SPHKAP: variants seen among roughly 807,000 people sequenced by gnomAD.
SPHKAP encodes the protein SPHK1 interactor, AKAP domain containing, also known as A-kinase anchor protein SPHKAP.
In SPHKAP, 67 loss-of-function variants were observed where a neutral mutation model predicts 137.5. The ratio of observed to expected loss-of-function variants is 0.49; its 90% CI spans 0.40 to 0.60. The LOEUF is 0.60. SPHKAP is among the 20% of genes least tolerant of loss of function. SPHKAP has a pLI of 0.00. For synonymous variants in SPHKAP, 813 were observed against 785.3 expected, an observed-to-expected ratio of 1.04 and a Z score of -0.59; for missense variants, 2,097 against 2,069.3, an observed-to-expected ratio of 1.01 and a Z score of -0.26.
chr2:228,027,986 A>T (rs1222704885), intron 3 of SPHKAP: 2 of 982,614 alleles, frequency 2.0e-6, no homozygotes, highest in East Asian at 1.1e-4. Flanking sequence ...AGAAAAAAGA[A>T]AAAAAGAAAT....
intron 1 of SPHKAP, among the ~76,000 whole-genome samples, chr2:228,153,190 G>A (rs953418593): frequency 6.6e-6 from 1 of 152,082 alleles, no homozygotes; most frequent in Non-Finnish European, 1.5e-5. Flanking sequence ...TCAGCAGTGT[G>A]AAAACGGACT....
Position 228,171,121 on chromosome 2 carries a change from G to A in SPHKAP, c.32+10446C>T, listed in dbSNP as rs550302953. 6.6e-5 allele frequency among the ~76,000 whole-genome samples: 10 copies of A among 152,230 alleles called. 1 individual carries two copies. Among genetic ancestry groups the A allele is most frequent in the South Asian group, 2.1e-4 (1 of 4,816 alleles). On this transcript the variant is annotated intron_variant, in intron 1 of 11. Transcript: ENST00000392056. ...GGAAAAGTAAAGAAGGTATTTAGAC[G>A]TGGATGATAGACATGTTTTTCTGTA...
chr2:228,129,900 A>T (rs1699197642), intron 2 of SPHKAP, among the ~76,000 whole-genome samples: 1 of 150,946 alleles, frequency 6.6e-6, no homozygotes, highest in East Asian at 2.0e-4. Flanking sequence ...AGGTTCAAGC[A>T]ATTCTCTTGT....
intron 1 of SPHKAP, among the ~76,000 whole-genome samples, chr2:228,174,996 A>G (rs1469743049): frequency 6.6e-6 from 1 of 151,392 alleles, no homozygotes; most frequent in Non-Finnish European, 1.5e-5. Context: ...AGATAGGTCA[A>G]TACAAATTAT....
intron 3 of SPHKAP, among the ~76,000 whole-genome samples, chr2:228,100,041 G>A (rs372983531): frequency 2.6e-5 from 4 of 151,940 alleles, no homozygotes; most frequent in African/African-American, 9.7e-5. Context: ...TAGTAGAGAC[G>A]GGGTTTCACC....
chr2:228,074,020 G>A (rs1383997865), intron 3 of SPHKAP, among the ~76,000 whole-genome samples: 3 of 152,178 alleles, frequency 2.0e-5, no homozygotes, highest in African/African-American at 7.2e-5. Context: ...ATTGAAGCAG[G>A]TTCAACATTC....
At chr2:228,171,552 A>C (rs1215819842) in intron 1 of SPHKAP, among the ~76,000 whole-genome samples, 2 of 152,202 alleles carry the variant, frequency 1.3e-5, no homozygotes, top group Non-Finnish European at 2.9e-5. Context: ...AATTCTCCTA[A>C]GAATTAAATA....
At position 228,019,152 on chromosome 2, in the gene SPHKAP, C is replaced by A; in HGVS notation, c.1702G>T (p.Val568Leu). The A allele has an allele frequency of 6.2e-7, 1 of 1,613,776 alleles. No individual in the cohort carries two copies. Among genetic ancestry groups the A allele is most frequent in the Non-Finnish European group, 8.5e-7 (1 of 1,180,026 alleles). ...CTTTCACCCAGACCACAGACAGCCA[C>A]GGCACTGGCCACCTGAGTCATGCCA... The part of the protein sequence containing the change: ...LCGMTQVASA[V>L]AVCGLGEREE... The change falls in exon 7 of 12, where the codon GTG becomes TTG. Residue 568 changes from valine to leucine, a missense_variant. Val to Leu is a conservative substitution (Grantham distance 32, BLOSUM62 1). Transcript: ENST00000392056.
chr2:228,038,762 T>C (rs1050909455), intron 3 of SPHKAP, among the ~76,000 whole-genome samples: 1 of 152,234 alleles, frequency 6.6e-6, no homozygotes, highest in Non-Finnish European at 1.5e-5. Context: ...ATCTGGCAGA[T>C]GCTCAATAAA....
At chr2:228,030,947 G>A (rs1695286898) in intron 3 of SPHKAP, among the ~76,000 whole-genome samples, 1 of 152,202 alleles carries the variant, frequency 6.6e-6, no homozygotes, top group Admixed American at 6.5e-5. Flanking sequence ...ACAGCTCCCA[G>A]TGTGAGCGAT....
chr2:228,000,948 T>C (rs922440377), intron 7 of SPHKAP, among the ~76,000 whole-genome samples: 20 of 152,134 alleles, frequency 1.3e-4, no homozygotes, highest in East Asian at 9.6e-4. Flanking sequence ...TCTTTAGTTT[T>C]GTAAAACACT....
At chr2:228,005,125 C>T (rs1446620201) in intron 7 of SPHKAP, among the ~76,000 whole-genome samples, 3 of 152,100 alleles carry the variant, frequency 2.0e-5, no homozygotes, top group Non-Finnish European at 2.9e-5. Flanking sequence ...CTTTCTGTCT[C>T]GTTGATCTGT....
chr2:228,034,466 T>C (rs1482971875), intron 3 of SPHKAP, among the ~76,000 whole-genome samples: 1 of 152,042 alleles, frequency 6.6e-6, no homozygotes, highest in Non-Finnish European at 1.5e-5. Context: ...GAGGAACTGG[T>C]ACCATTCCTT....
In SPHKAP at chr2:228,092,339, ATG is replaced by A. The variant is rs201241407; in HGVS notation, c.246+16491_246+16492del. Among the ~76,000 whole-genome samples, 638 of 143,476 alleles carry A rather than the reference ATG, an allele frequency of 4.4e-3. 9 individuals are homozygous for A. The highest frequency in any genetic ancestry group is 0.013 in the African/African-American group (504 of 38,978). 94.1% of individuals were successfully genotyped at this position (143,476 alleles called of 152,430 possible). On this transcript the variant is annotated intron_variant, in intron 3 of 11. Coordinates refer to ENST00000392056, the MANE Select transcript of SPHKAP (RefSeq NM_001142644.2). ...TGTGTATACGTACACACACACGTGT[ATG>A]TGTGTGTATACATATATACACACAT... is the stretch of plus-strand genomic sequence containing the variant.
chr2:228,109,011 T>TA, intron 2 of SPHKAP, 72 bp from the exon 3 acceptor site: 1 of 1,016,084 alleles, frequency 9.8e-7, no homozygotes, highest in Non-Finnish European at 1.4e-6. Context: ...CTCTCTCTTT[T>TA]TTTTTTTTCT....
chr2:228,080,064 CAAT>C (rs914904436), intron 3 of SPHKAP, among the ~76,000 whole-genome samples: 2 of 146,684 alleles, frequency 1.4e-5, no homozygotes, highest in Non-Finnish European at 3.0e-5. Flanking sequence ...CTTGAAGTAA[CAAT>C]GTTTTTTTTT....
intron 1 of SPHKAP, among the ~76,000 whole-genome samples, chr2:228,138,823 C>G (rs1699509357): frequency 6.6e-6 from 1 of 152,114 alleles, no homozygotes; most frequent in Non-Finnish European, 1.5e-5. Context: ...CTTTAACCAT[C>G]ATTCTTCAAA....
At chr2:228,131,210 T>C in intron 2 of SPHKAP, 1 of 775,936 alleles carries the variant, frequency 1.3e-6, no homozygotes, top group East Asian at 1.3e-4. Flanking sequence ...AGCATTTGTG[T>C]TAATTTACAT....
intron 3 of SPHKAP, among the ~76,000 whole-genome samples, chr2:228,096,217 G>A (rs34167335): frequency 0.08 from 12,180 of 152,162 alleles, 665 homozygotes; most frequent in Non-Finnish European, 0.12. Context: ...AGTGAGGGCT[G>A]ATCAGGAGGC....
Sources: allele counts gnomAD v4.1 joint callset (sites outside exome capture counted in the v4.1 genomes callset), GRCh38; gene constraint gnomAD v4.1.1; transcripts MANE v1.5; gene names NCBI Gene and HGNC (gene_info 2026-07-23, HGNC 2026-07-21).